Variants in CNTNAP2 observed in about 807,000 individuals in gnomAD.
CNTNAP2 encodes the protein contactin associated protein 2.
CNTNAP2 carries 98 observed loss-of-function variants against 155.2 expected under a neutral mutation model. The observed-to-expected ratio is 0.63, with a 90% confidence interval of 0.54 to 0.75. The LOEUF is 0.75. CNTNAP2 is among the 30% of genes least tolerant of loss of function. The pLI, the probability that CNTNAP2 is intolerant of heterozygous loss-of-function variation, is 0.00. For missense variants in CNTNAP2, 1,727 were observed against 1,688.1 expected, an observed-to-expected ratio of 1.02 and a Z score of -0.40; for synonymous variants, 651 against 631.2, an observed-to-expected ratio of 1.03 and a Z score of -0.47.
In CNTNAP2 at chr7:146,388,567, G is replaced by A. The variant is rs188669475; in HGVS notation, c.97+271594G>A. On this transcript the variant is annotated intron_variant, in intron 1 of 23. Transcript: ENST00000361727. ...GGATAAGCACATCATGGGGAATGGG[G>A]GATCCATCCCCTCAGGCATTTATCC... Among the ~76,000 whole-genome samples, 259 of 152,160 alleles carry A rather than the reference G, an allele frequency of 1.7e-3. 1 individual carries two copies. Among genetic ancestry groups the A allele is most frequent in the African/African-American group, 5.9e-3 (244 of 41,524 alleles).
rs201056812 is a variant in CNTNAP2, at chr7:147,828,198, G to GCTA, written c.2099-75364_2099-75362dup. ...AATTCATTCTAGAGCTTTGTTCACT[G>GCTA]CTACTTACTATCTCTGGAACTACAG... is the stretch of plus-strand genomic sequence containing the variant. On this transcript the variant is annotated intron_variant, in intron 13 of 23. Coordinates refer to ENST00000361727, the MANE Select transcript of CNTNAP2 (RefSeq NM_014141.6). Among the ~76,000 whole-genome samples, 610 of 152,268 alleles carry GCTA rather than the reference G, an allele frequency of 4.0e-3. 8 individuals carry two copies. Among genetic ancestry groups the GCTA allele is most frequent in the East Asian group, 0.034 (178 of 5,164 alleles).
chr7:148,263,735 C>CAAAAA (rs1796617030), intron 20 of CNTNAP2, among the ~76,000 whole-genome samples: 1 of 117,316 alleles, frequency 8.5e-6, no homozygotes, highest in African/African-American at 4.3e-5. Context: ...AGACTCAGTC[C>CAAAAA]CAAAAAAAAA....
intron 3 of CNTNAP2, among the ~76,000 whole-genome samples, chr7:146,905,692 G>A (rs994372261): frequency 6.6e-6 from 1 of 152,306 alleles, no homozygotes; most frequent in Non-Finnish European, 1.5e-5. Flanking sequence ...TGGGACCTCA[G>A]TGGGCAATGA....
At chr7:147,655,879 G>A (rs1356756233) in intron 13 of CNTNAP2, among the ~76,000 whole-genome samples, 2 of 152,190 alleles carry the variant, frequency 1.3e-5, no homozygotes, top group African/African-American at 4.8e-5. Flanking sequence ...TGTCCTAGAT[G>A]GCATCCTCTT....
At chr7:146,260,741 A>G (rs1799907739) in intron 1 of CNTNAP2, among the ~76,000 whole-genome samples, 1 of 152,208 alleles carries the variant, frequency 6.6e-6, no homozygotes, top group Non-Finnish European at 1.5e-5. Flanking sequence ...TTAAAGGCTT[A>G]TAGAAGGAAG....
chr7:147,049,356 G>C (rs913058143), intron 4 of CNTNAP2, among the ~76,000 whole-genome samples: 1 of 152,060 alleles, frequency 6.6e-6, no homozygotes, highest in Non-Finnish European at 1.5e-5. Flanking sequence ...AAACATATTT[G>C]TTACGAAACA....
chr7:146,929,370 C>A (rs1168009827), intron 3 of CNTNAP2, among the ~76,000 whole-genome samples: 1 of 152,196 alleles, frequency 6.6e-6, no homozygotes, highest in African/African-American at 2.4e-5. Flanking sequence ...AGGCCTGCAG[C>A]TGAGGGTCCT....
chr7:146,857,631 CTG>C (rs1212104411), intron 3 of CNTNAP2, among the ~76,000 whole-genome samples: 1 of 152,140 alleles, frequency 6.6e-6, no homozygotes, highest in East Asian at 1.9e-4. Context: ...AAGAGAACGA[CTG>C]AGAAACAATG....
intron 2 of CNTNAP2, among the ~76,000 whole-genome samples, chr7:146,779,770 A>T (rs1413964763): frequency 6.6e-6 from 1 of 152,178 alleles, no homozygotes; most frequent in Non-Finnish European, 1.5e-5. Flanking sequence ...ATCACACCAG[A>T]GGGCAGAAGG....
chr7:147,773,285 G>C (rs1797503756), intron 13 of CNTNAP2, among the ~76,000 whole-genome samples: 2 of 152,236 alleles, frequency 1.3e-5, no homozygotes, highest in African/African-American at 4.8e-5. Context: ...CTGAGATTTT[G>C]TAGGAACACT....
chr7:148,349,647 C>G (rs370386461), intron 21 of CNTNAP2, among the ~76,000 whole-genome samples: 1 of 152,066 alleles, frequency 6.6e-6, no homozygotes, highest in Non-Finnish European at 1.5e-5. Flanking sequence ...GTGATCCGCC[C>G]GTCTCAGCCT....
intron 3 of CNTNAP2, among the ~76,000 whole-genome samples, chr7:147,033,532 G>A (rs756355203): frequency 1.1e-4 from 16 of 151,754 alleles, no homozygotes; most frequent in Non-Finnish European, 1.9e-4. Flanking sequence ...CAAATATATG[G>A]TTTTTAACTA....
At chr7:146,189,480 T>G (rs916553919) in intron 1 of CNTNAP2, among the ~76,000 whole-genome samples, 2 of 152,158 alleles carry the variant, frequency 1.3e-5, no homozygotes, top group African/African-American at 4.8e-5. Flanking sequence ...CACTTATAGA[T>G]TATTTAGTGG....
chr7:147,524,882 A>C (rs766434274), intron 11 of CNTNAP2, among the ~76,000 whole-genome samples: 33 of 152,216 alleles, frequency 2.2e-4, no homozygotes, highest in Admixed American at 5.2e-4. Flanking sequence ...TCATACAATA[A>C]TTTCTACTGG....
At chr7:147,989,559 T>C (rs1329352209) in intron 15 of CNTNAP2, among the ~76,000 whole-genome samples, 1 of 152,204 alleles carries the variant, frequency 6.6e-6, no homozygotes, top group African/African-American at 2.4e-5. Context: ...ATCTTCCTGC[T>C]CCATGTTCCT....
chr7:146,993,060 C>T (rs946035074), intron 3 of CNTNAP2, among the ~76,000 whole-genome samples: 1 of 152,248 alleles, frequency 6.6e-6, no homozygotes, highest in South Asian at 2.1e-4. Context: ...ACCAAGGAGG[C>T]AGAACGCAGG....
intron 3 of CNTNAP2, among the ~76,000 whole-genome samples, chr7:146,869,202 T>C (rs1795260879): frequency 6.6e-6 from 1 of 152,192 alleles, no homozygotes; most frequent in Non-Finnish European, 1.5e-5. Flanking sequence ...CAATACCTAG[T>C]TTATTGAGAG....
chr7:147,405,662 A>C (rs979839905), intron 10 of CNTNAP2, among the ~76,000 whole-genome samples: 5 of 152,194 alleles, frequency 3.3e-5, no homozygotes, highest in Non-Finnish European at 5.9e-5. Flanking sequence ...AGACAGAAAA[A>C]AGTTTCTGGT....
intron 3 of CNTNAP2, among the ~76,000 whole-genome samples, chr7:146,843,466 A>G (rs1585118490): frequency 6.6e-6 from 1 of 152,214 alleles, no homozygotes; most frequent in East Asian, 1.9e-4. Context: ...TTTGGTGGGG[A>G]CACAGACCCA....
Sources: gnomAD v4.1 joint callset for allele counts (sites outside exome capture counted in the v4.1 genomes callset) on GRCh38, gnomAD v4.1.1 for gene constraint, MANE v1.5 for transcripts, NCBI Gene and HGNC (gene_info 2026-07-23, HGNC 2026-07-21) for gene names.